Variants in CNTNAP2 observed in about 807,000 individuals in gnomAD.
CNTNAP2 encodes contactin-associated protein-like 2.
In CNTNAP2, 98 loss-of-function variants were observed where a neutral mutation model predicts 155.2. That is an observed-to-expected ratio of 0.63 (90% confidence interval 0.54 to 0.75). CNTNAP2 has a LOEUF of 0.75. Among genes scored for constraint, CNTNAP2 ranks in the 30% least tolerant of loss-of-function variants. The probability of loss-of-function intolerance (pLI) is 0.00; values close to 1 mark genes in which losing one functional copy is unlikely to be tolerated. For missense variants in CNTNAP2, 1,727 were observed against 1,688.1 expected, an observed-to-expected ratio of 1.02 and a Z score of -0.40; for synonymous variants, 651 against 631.2, an observed-to-expected ratio of 1.03 and a Z score of -0.47.
intron 13 of CNTNAP2, among the ~76,000 whole-genome samples, chr7:147,644,326 A>G (rs1795330748): frequency 6.6e-6 from 1 of 152,220 alleles, no homozygotes; most frequent in Admixed American, 6.5e-5. Flanking sequence ...AAGTACCATA[A>G]GAACTTGAAT....
intron 11 of CNTNAP2, among the ~76,000 whole-genome samples, chr7:147,495,410 C>A (rs1161340995): frequency 6.6e-6 from 1 of 152,166 alleles, no homozygotes; most frequent in Non-Finnish European, 1.5e-5. Context: ...GGGAAATTGA[C>A]AAACCCTGTA....
At chr7:146,769,541 C>G (rs76615494) in intron 1 of CNTNAP2, among the ~76,000 whole-genome samples, 5,330 of 152,222 alleles carry the variant, frequency 0.035, 329 homozygotes, top group African/African-American at 0.12. Context: ...ATTTCAAATT[C>G]ATTGTGGGCT....
intron 3 of CNTNAP2, among the ~76,000 whole-genome samples, chr7:146,925,380 G>A (rs1796586686): frequency 6.6e-6 from 1 of 152,002 alleles, no homozygotes; most frequent in Non-Finnish European, 1.5e-5. Flanking sequence ...ATTAAGAAGA[G>A]CAAGGTGACA....
chr7:147,182,787 C>G (rs953099698), intron 8 of CNTNAP2, among the ~76,000 whole-genome samples: 20 of 152,070 alleles, frequency 1.3e-4, no homozygotes, highest in African/African-American at 4.6e-4. Flanking sequence ...GCTTCATACT[C>G]TACTTTCTAT....
intron 8 of CNTNAP2, among the ~76,000 whole-genome samples, chr7:147,177,048 T>G (rs2116491138): frequency 6.9e-6 from 1 of 145,520 alleles, no homozygotes. Flanking sequence ...ATAATAGAAT[T>G]ATATTCTGTA....
At chr7:148,283,007 G>T (rs1043600240) in intron 21 of CNTNAP2, among the ~76,000 whole-genome samples, 2 of 151,956 alleles carry the variant, frequency 1.3e-5, no homozygotes, top group Non-Finnish European at 2.9e-5. Flanking sequence ...GGCCAAGGCA[G>T]GTGGATCACC....
chr7:148,296,086 G>A (rs1195361474), intron 21 of CNTNAP2, among the ~76,000 whole-genome samples: 1 of 152,130 alleles, frequency 6.6e-6, no homozygotes, highest in African/African-American at 2.4e-5. Context: ...GAACAGAAAT[G>A]TAGAAAACAG....
At chr7:146,700,376 T>C (rs1800855133) in intron 1 of CNTNAP2, among the ~76,000 whole-genome samples, 1 of 152,138 alleles carries the variant, frequency 6.6e-6, no homozygotes, top group Non-Finnish European at 1.5e-5. Context: ...TTTTTCTTAT[T>C]GTGAGGACCA....
At chr7:147,104,627 G>A (rs183061102) in intron 4 of CNTNAP2, among the ~76,000 whole-genome samples, 1,744 of 151,116 alleles carry the variant, frequency 0.012, 22 homozygotes, top group Middle Eastern at 0.026. Context: ...TTGTTGATAT[G>A]CTATATTTAC....
intron 10 of CNTNAP2, among the ~76,000 whole-genome samples, chr7:147,453,013 A>G (rs55836279): frequency 0.21 from 32,009 of 151,836 alleles, 3,635 homozygotes; most frequent in East Asian, 0.36. Flanking sequence ...GAAAGGAAGA[A>G]AAAAGAGAAA....
intron 22 of CNTNAP2, among the ~76,000 whole-genome samples, chr7:148,397,818 T>G (rs1799501664): frequency 6.6e-6 from 1 of 152,208 alleles, no homozygotes; most frequent in African/African-American, 2.4e-5. Context: ...CCAAGGATAA[T>G]TTGTTTCATC....
chr7:147,868,729 T>C (rs796604591), intron 13 of CNTNAP2, among the ~76,000 whole-genome samples: 3 of 152,240 alleles, frequency 2.0e-5, no homozygotes, highest in Admixed American at 2.0e-4. Context: ...GATCTCAGAC[T>C]GCTGCGCTAG....
At chr7:147,968,426 G>C (rs958719909) in intron 14 of CNTNAP2, among the ~76,000 whole-genome samples, 5 of 152,248 alleles carry the variant, frequency 3.3e-5, no homozygotes, top group African/African-American at 1.2e-4. Context: ...TTGCTTCCTA[G>C]CAACACTAGC....
chr7:147,738,951 G>A (rs377500508), intron 13 of CNTNAP2, among the ~76,000 whole-genome samples: 18 of 151,972 alleles, frequency 1.2e-4, no homozygotes, highest in Admixed American at 2.6e-4. Flanking sequence ...CACTGCGCCC[G>A]GGCAAAACAA....
At chr7:147,072,203 G>A (rs1279922810) in intron 4 of CNTNAP2, among the ~76,000 whole-genome samples, 3 of 151,968 alleles carry the variant, frequency 2.0e-5, no homozygotes, top group Non-Finnish European at 2.9e-5. Flanking sequence ...AGAACTCTTG[G>A]GGCAGAAAGA....
intron 1 of CNTNAP2, among the ~76,000 whole-genome samples, chr7:146,710,191 C>T (rs190754636): frequency 1.3e-5 from 2 of 152,018 alleles, no homozygotes; most frequent in East Asian, 1.9e-4. Flanking sequence ...TAGGAGCTAA[C>T]GGGTACAGAA....
At chr7:146,168,662 T>A (rs2116814532) in intron 1 of CNTNAP2, among the ~76,000 whole-genome samples, 1 of 152,304 alleles carries the variant, frequency 6.6e-6, no homozygotes, top group Non-Finnish European at 1.5e-5. Flanking sequence ...ACATCTGGAT[T>A]TCAAACACTT....
chr7:147,595,976 G>GA (rs1800820043), intron 12 of CNTNAP2, among the ~76,000 whole-genome samples: 1 of 151,626 alleles, frequency 6.6e-6, no homozygotes, highest in African/African-American at 2.4e-5. Context: ...TTGATTTTTT[G>GA]TTTTTTTTGG....
At chr7:146,855,338 G>C (rs1444191252) in intron 3 of CNTNAP2, among the ~76,000 whole-genome samples, 1 of 152,098 alleles carries the variant, frequency 6.6e-6, no homozygotes, top group Non-Finnish European at 1.5e-5. Context: ...TAGGAATTTA[G>C]TCTAATTATA....
Sources: allele counts gnomAD v4.1 joint callset (sites outside exome capture counted in the v4.1 genomes callset), GRCh38; gene constraint gnomAD v4.1.1; transcripts MANE v1.5; gene names NCBI Gene and HGNC (gene_info 2026-07-23, HGNC 2026-07-21).